The following CMIP variants were observed in gnomAD, a reference collection of about 807,000 sequenced individuals.
CMIP encodes c-Maf inducing protein.
A neutral mutation model predicts 97.3 loss-of-function variants in CMIP; 13 were observed. The observed-to-expected ratio is 0.13, with a 90% confidence interval of 0.09 to 0.21. The LOEUF is 0.21. CMIP is among the 10% of genes least tolerant of loss of function. The pLI is 1.00. For synonymous variants in CMIP, 538 were observed against 436.3 expected (o/e 1.23, Z -2.91); for missense variants, 847 against 1,024.9 (o/e 0.83, Z 2.37).
At chr16:81,560,126 G>A (rs1263084490) in intron 1 of CMIP, among the ~76,000 whole-genome samples, 4 of 142,860 alleles carry the variant, frequency 2.8e-5, no homozygotes, top group Non-Finnish European at 6.1e-5. Flanking sequence ...CAGCCTGGGC[G>A]ACAGAGCGAG....
chr16:81,581,631 G>T (rs1306578436), intron 1 of CMIP, among the ~76,000 whole-genome samples: 1 of 152,170 alleles, frequency 6.6e-6, no homozygotes, highest in Non-Finnish European at 1.5e-5. Context: ...CAGTTCTTTG[G>T]GGTATTCACC....
chr16:81,562,483 TG>T (rs2090902444), intron 1 of CMIP, among the ~76,000 whole-genome samples: 1 of 152,254 alleles, frequency 6.6e-6, no homozygotes, highest in South Asian at 2.1e-4. Context: ...CTGGCAGTGT[TG>T]GCAGATGCCC....
chr16:81,636,708 A>G (rs2092241114), intron 3 of CMIP, among the ~76,000 whole-genome samples: 1 of 151,954 alleles, frequency 6.6e-6, no homozygotes, highest in Non-Finnish European at 1.5e-5. Flanking sequence ...TTTCTCTTTA[A>G]TTAAATGCAC....
At chr16:81,707,807 C>T (rs553672078) in intron 20 of CMIP, among the ~76,000 whole-genome samples, 1 of 152,328 alleles carries the variant, frequency 6.6e-6, no homozygotes, top group Admixed American at 6.5e-5. Flanking sequence ...AAGGAGCGGG[C>T]GGGACTGGCA....
intron 1 of CMIP, among the ~76,000 whole-genome samples, chr16:81,467,955 C>T (rs1245841894): frequency 2.7e-5 from 4 of 148,536 alleles, no homozygotes; most frequent in Non-Finnish European, 4.4e-5. Context: ...GATGAAATCA[C>T]GGCTTACTGC....
chr16:81,642,064 C>T (rs1192826825), intron 3 of CMIP, among the ~76,000 whole-genome samples: 3 of 152,262 alleles, frequency 2.0e-5, no homozygotes, highest in Non-Finnish European at 2.9e-5. Context: ...CAAAGTGCTT[C>T]GCACAGGACC....
At chr16:81,596,339 C>G (rs774988897) in intron 1 of CMIP, among the ~76,000 whole-genome samples, 1 of 152,026 alleles carries the variant, frequency 6.6e-6, no homozygotes, top group African/African-American at 2.4e-5. Context: ...AACCCCATCT[C>G]TACTAAAAGT....
chr16:81,462,744 A>T (rs901187569), intron 1 of CMIP, among the ~76,000 whole-genome samples: 7 of 152,170 alleles, frequency 4.6e-5, no homozygotes, highest in Non-Finnish European at 8.8e-5. Context: ...TCACTCTCTG[A>T]TAAGGTGTAG....
chr16:81,668,078 C>T (rs1277036271), intron 7 of CMIP, among the ~76,000 whole-genome samples: 2 of 152,116 alleles, frequency 1.3e-5, no homozygotes, highest in Non-Finnish European at 2.9e-5. Flanking sequence ...TTCATGCCAG[C>T]TTCGGGGTCA....
chr16:81,567,708 T>A (rs2091007548), intron 1 of CMIP, among the ~76,000 whole-genome samples: 1 of 152,224 alleles, frequency 6.6e-6, no homozygotes, highest in Admixed American at 6.5e-5. Context: ...CTCCATGCGC[T>A]GCTCCTCTGC....
At chr16:81,612,796 A>T (rs949757456) in intron 2 of CMIP, among the ~76,000 whole-genome samples, 2 of 151,904 alleles carry the variant, frequency 1.3e-5, no homozygotes, top group African/African-American at 2.4e-5. Flanking sequence ...GACCTCTCCC[A>T]TGTCTGAATG....
chr16:81,706,925 C>G (rs1908216023), intron 19 of CMIP, 89 bp from the exon 20 acceptor site: 2 of 1,090,840 alleles, frequency 1.8e-6, no homozygotes, highest in Non-Finnish European at 2.8e-6. Context: ...GGCCTGGCAC[C>G]TGCATTGAGC....
intron 1 of CMIP, among the ~76,000 whole-genome samples, chr16:81,456,275 C>G (rs1004722394): frequency 1.5e-4 from 23 of 152,314 alleles, no homozygotes; most frequent in Middle Eastern, 3.4e-3. Flanking sequence ...TCCAGTCATT[C>G]TCAGACCTTT....
chr16:81,495,553 C>CCTG (rs2089475017), intron 1 of CMIP: 3 of 1,574,366 alleles, frequency 1.9e-6, no homozygotes, highest in East Asian at 2.3e-5. Flanking sequence ...TAAAACCTCG[C>CCTG]CTGCTGCTGC....
At chr16:81,510,283 T>C (rs2150789929) in intron 1 of CMIP, among the ~76,000 whole-genome samples, 1 of 152,292 alleles carries the variant, frequency 6.6e-6, no homozygotes, top group East Asian at 1.9e-4. Context: ...CTTGTTTCCC[T>C]GGGTGTGAGT....
At position 81,693,151 on chromosome 16, in the gene CMIP, G is replaced by C. The variant is rs762984203; in HGVS notation, c.1455-7G>C. 9 of 1,612,598 alleles carry C rather than the reference G, an allele frequency of 5.6e-6. No homozygotes were observed. The highest frequency in any genetic ancestry group is 7.6e-6 in the Non-Finnish European group (9 of 1,178,830). ...AACCGCCGTGTTTTCCCCTGTTTTT[G>C]TTGCAGAGCTCTCGCACATGAGAAG... On this transcript the variant is annotated splice_polypyrimidine_tract_variant and splice_region_variant and intron_variant, in intron 11 of 20. Transcript: ENST00000537098.
intron 10 of CMIP, among the ~76,000 whole-genome samples, chr16:81,689,904 A>C (rs936949114): frequency 6.6e-6 from 1 of 152,192 alleles, no homozygotes; most frequent in Admixed American, 6.5e-5. Context: ...CCATTTATCA[A>C]ATAGGGAATC....
intron 1 of CMIP, among the ~76,000 whole-genome samples, chr16:81,521,868 G>T (rs751299155): frequency 3.9e-5 from 6 of 152,172 alleles, no homozygotes; most frequent in Non-Finnish European, 5.9e-5. Context: ...GTGTTCCCTT[G>T]TCTTTTTGGT....
At chr16:81,686,489 C>T (rs1481815990) in intron 10 of CMIP, among the ~76,000 whole-genome samples, 1 of 152,222 alleles carries the variant, frequency 6.6e-6, no homozygotes, top group Non-Finnish European at 1.5e-5. Flanking sequence ...CACCGGCACC[C>T]TCTGCCCTCA....
Sources: allele counts gnomAD v4.1 joint callset (sites outside exome capture counted in the v4.1 genomes callset), GRCh38; gene constraint gnomAD v4.1.1; transcripts MANE v1.5; gene names NCBI Gene and HGNC (gene_info 2026-07-23, HGNC 2026-07-21).